The following BICD1 variants were observed in gnomAD, a reference collection of about 807,000 sequenced individuals.
BICD1 encodes protein bicaudal D homolog 1.
Under a neutral mutation model 92.5 loss-of-function variants are expected in BICD1, and 35 were observed. The ratio of observed to expected loss-of-function variants is 0.38; its 90% CI spans 0.29 to 0.50. The LOEUF (loss-of-function observed/expected upper bound fraction) is 0.50, where lower values mean the gene tolerates loss of function less well. BICD1 is among the 20% of genes least tolerant of loss of function. The probability of loss-of-function intolerance (pLI) is 0.93; values close to 1 mark genes in which losing one functional copy is unlikely to be tolerated. For missense variants in BICD1, 950 were observed against 1,189.8 expected (o/e 0.80, Z 2.97); for synonymous variants, 429 against 465.1 (o/e 0.92, Z 1.00).
intron 8 of BICD1, among the ~76,000 whole-genome samples, chr12:32,346,123 T>C (rs1161633291): frequency 6.6e-6 from 1 of 152,122 alleles, no homozygotes; most frequent in African/African-American, 2.4e-5. Context: ...CACTCCAGGC[T>C]GGGTGACAGA....
At chr12:32,266,775 T>C (rs569081371) in intron 2 of BICD1, among the ~76,000 whole-genome samples, 35 of 151,820 alleles carry the variant, frequency 2.3e-4, no homozygotes, top group African/African-American at 8.0e-4. Context: ...GAAGAATCAC[T>C]TGAACCCAGG....
intron 1 of BICD1, among the ~76,000 whole-genome samples, chr12:32,110,951 A>C (rs1369578898): frequency 6.6e-6 from 1 of 152,068 alleles, no homozygotes; most frequent in African/African-American, 2.4e-5. Context: ...ACTAATCTGC[A>C]CGTTGTGCAC....
At chr12:32,225,483 G>A (rs792853) in intron 2 of BICD1, among the ~76,000 whole-genome samples, 102,262 of 151,896 alleles carry the variant, frequency 0.67, 35,149 homozygotes, top group East Asian at 0.89. Flanking sequence ...AGAGAGTGGG[G>A]ATACTAGGTC....
chr12:32,312,615 G>C (rs1357975398), intron 4 of BICD1, among the ~76,000 whole-genome samples: 1 of 152,156 alleles, frequency 6.6e-6, no homozygotes, highest in African/African-American at 2.4e-5. Flanking sequence ...GAATAAATTA[G>C]AGTGAATATT....
intron 3 of BICD1, among the ~76,000 whole-genome samples, chr12:32,295,754 G>A (rs1001042468): frequency 2.6e-5 from 4 of 151,006 alleles, no homozygotes; most frequent in Non-Finnish European, 5.9e-5. Context: ...CCTGGTTCAA[G>A]CAATTCTCCT....
intron 2 of BICD1, among the ~76,000 whole-genome samples, chr12:32,257,519 C>A (rs569147005): frequency 7.2e-5 from 11 of 152,168 alleles, no homozygotes; most frequent in South Asian, 2.1e-4. Context: ...TCAACAGGAA[C>A]TCTCAAACAT....
At chr12:32,335,884 A>G (rs1372658874) in intron 6 of BICD1, among the ~76,000 whole-genome samples, 1 of 152,100 alleles carries the variant, frequency 6.6e-6, no homozygotes, top group Non-Finnish European at 1.5e-5. Flanking sequence ...ATGCCCGACC[A>G]AATCCTACCA....
intron 1 of BICD1, among the ~76,000 whole-genome samples, chr12:32,152,334 G>C (rs991297395): frequency 2.7e-5 from 4 of 150,408 alleles, no homozygotes; most frequent in Admixed American, 2.0e-4. Context: ...CTTTAACCTT[G>C]AACTCCTGGG....
Position 32,313,557 on chromosome 12 carries a change from A to G in BICD1, c.1005+7435A>G, listed in dbSNP as rs1438289295. Among the ~76,000 whole-genome samples the G allele has an allele frequency of 6.6e-6, 1 of 152,222 alleles. No individual in the cohort carries two copies. The highest frequency in any genetic ancestry group is 2.4e-5 in the African/African-American group (1 of 41,458). On this transcript the variant is annotated intron_variant, in intron 4 of 9. Coordinates refer to ENST00000652176, the MANE Select transcript of BICD1 (RefSeq NM_001714.4). The surrounding 1 kb of genome is among the most constrained non-coding windows in gnomAD (Gnocchi z 4.2). Reference sequence around the variant, plus strand: ...CTGCTTAAACACTCACAGAATATTTATAGGATGACATTAATGAAAACAAGA... The same window carrying G: ...CTGCTTAAACACTCACAGAATATTTGTAGGATGACATTAATGAAAACAAGA...
At chr12:32,239,034 CAGG>C (rs1385901516) in intron 2 of BICD1, among the ~76,000 whole-genome samples, 2 of 143,876 alleles carry the variant, frequency 1.4e-5, no homozygotes, top group African/African-American at 5.2e-5. Flanking sequence ...ATCATGAGGT[CAGG>C]AGATCAAGAC....
intron 1 of BICD1, among the ~76,000 whole-genome samples, chr12:32,196,349 C>T (rs1944727764): frequency 6.6e-6 from 1 of 152,166 alleles, no homozygotes; most frequent in South Asian, 2.1e-4. Context: ...CATAGCAGCA[C>T]TATTCACAAT....
chr12:32,324,345 C>T (rs1325752480), intron 4 of BICD1, among the ~76,000 whole-genome samples: 1 of 137,412 alleles, frequency 7.3e-6, no homozygotes, highest in East Asian at 2.3e-4. Flanking sequence ...CAGAGCTAGA[C>T]TCCATCTCAA....
At chr12:32,265,463 C>A (rs986336827) in intron 2 of BICD1, among the ~76,000 whole-genome samples, 1 of 150,658 alleles carries the variant, frequency 6.6e-6, no homozygotes, top group Admixed American at 6.6e-5. Context: ...AATCCCAGAA[C>A]TTTGGGAGGC....
intron 2 of BICD1, among the ~76,000 whole-genome samples, chr12:32,277,065 A>C (rs1457158414): frequency 2.6e-5 from 4 of 152,210 alleles, no homozygotes; most frequent in Admixed American, 1.3e-4. Context: ...ACCCAGGTCC[A>C]TGTCCAGAAC....
In BICD1 at chr12:32,379,643, C is replaced by G. The variant is rs1462669262; in HGVS notation, c.*2016C>G. The G allele has an allele frequency of 6.6e-6, 1 of 152,198 alleles. No individual in the cohort carries two copies. Among genetic ancestry groups the G allele is most frequent in the Non-Finnish European group, 1.5e-5 (1 of 68,052 alleles). 9.4% of individuals were successfully genotyped at this position (152,198 alleles called of 1,614,324 possible). A position where few individuals can be genotyped will look rare whatever the true frequency, so the allele number is the denominator to read the frequency against. ...GAGTTCAATGAAAGAAAGCTTACCC[C>G]TGCCCTCACTTTGTGTTTTTTATTT... On this transcript the variant is annotated 3_prime_UTR_variant, in exon 10 of 10. Coordinates refer to ENST00000652176, the MANE Select transcript of BICD1 (RefSeq NM_001714.4).
intron 2 of BICD1, among the ~76,000 whole-genome samples, chr12:32,264,310 T>C (rs1480636282): frequency 3.3e-5 from 5 of 151,584 alleles, no homozygotes; most frequent in African/African-American, 1.2e-4. Flanking sequence ...CCTATCCTTT[T>C]TAAAATCCCG....
At chr12:32,331,166 A>G (rs1202485815) in intron 5 of BICD1, among the ~76,000 whole-genome samples, 2 of 152,140 alleles carry the variant, frequency 1.3e-5, no homozygotes, top group Non-Finnish European at 2.9e-5. Flanking sequence ...GCTTAACTGA[A>G]ACAGAGGTAT....
At chr12:32,258,072 G>A (rs529550124) in intron 2 of BICD1, among the ~76,000 whole-genome samples, 2 of 152,332 alleles carry the variant, frequency 1.3e-5, no homozygotes, top group East Asian at 1.9e-4. Flanking sequence ...TTGCAGCAGA[G>A]TATGCTTGTT....
Position 32,337,068 on chromosome 12 carries a change from AC to A in BICD1, c.2253-427del, listed in dbSNP as rs1458295628. Among the ~76,000 whole-genome samples, 4 of 152,016 alleles carry A rather than the reference AC, an allele frequency of 2.6e-5. No homozygotes were observed. Among genetic ancestry groups the A allele is most frequent in the Non-Finnish European group, 4.4e-5 (3 of 68,000 alleles). On this transcript the variant is annotated intron_variant, in intron 6 of 9. Coordinates refer to ENST00000652176, the MANE Select transcript of BICD1 (RefSeq NM_001714.4). The surrounding 1 kb of genome is among the most constrained non-coding windows in gnomAD (Gnocchi z 4.7). ...AGACCAGCCTGGCCAACATGGTGAA[AC>A]CCCGTCTCTACTAAAAAAAATACAA...
Sources: allele counts gnomAD v4.1 joint callset (sites outside exome capture counted in the v4.1 genomes callset), GRCh38; gene constraint gnomAD v4.1.1; non-coding constraint Gnocchi (gnomAD v3.1); transcripts MANE v1.5; gene names NCBI Gene and HGNC (gene_info 2026-07-23, HGNC 2026-07-21).